FAT4: variants seen among roughly 807,000 people sequenced by gnomAD.
FAT4 encodes protocadherin Fat 4.
A neutral mutation model predicts 303.9 loss-of-function variants in FAT4; 84 were observed. The ratio of observed to expected loss-of-function variants is 0.28; its 90% confidence interval spans 0.23 to 0.33. FAT4 has a LOEUF of 0.33. FAT4 is among the 10% of genes least tolerant of loss of function. FAT4 has a pLI of 1.00. For missense variants in FAT4, 6,005 were observed against 6,146.8 expected (o/e 0.98, Z 0.77); for synonymous variants, 2,307 against 2,298.8 (o/e 1.00, Z -0.10).
chr4:125,391,529 A>G (rs1733979641), intron 2 of FAT4, among the ~76,000 whole-genome samples: 1 of 152,096 alleles, frequency 6.6e-6, no homozygotes, highest in Non-Finnish European at 1.5e-5. Context: ...GGGCAGTGGG[A>G]GGCAAGGGGA....
Position 125,415,652 on chromosome 4 carries a change from A to G in FAT4, c.6689A>G (p.Gln2230Arg), listed in dbSNP as rs780105943. 8 of 1,614,056 alleles carry G rather than the reference A, an allele frequency of 5.0e-6. No individual in the cohort carries two copies. In the South Asian group the frequency reaches 6.6e-5, roughly 13 times the overall value. The change falls in exon 6 of 18, where the codon CAG becomes CGG. Residue 2230 changes from glutamine to arginine, a missense_variant. Transcript: ENST00000394329. ...EKTPTYHLTV[Q>R]ATDRGSTPRT... is the part of the protein sequence containing the mutation. ...ACCCCTACCTACCATTTAACTGTTC[A>G]GGCAACAGATCGAGGCAGCACACCC...
chr4:125,415,862 A>T, intron 6 of FAT4, 56 bp downstream of exon 6: 1 of 1,333,098 alleles, frequency 7.5e-7, no homozygotes, highest in East Asian at 2.4e-5. Context: ...TCTATTTGAA[A>T]ACCTCCCCTC....
Position 125,320,580 on chromosome 4 carries a change from T to A in FAT4, c.4169T>A (p.Ile1390Lys). 6.2e-7 allele frequency: 1 copy of A among 1,614,038 alleles called. No homozygotes were observed. The highest frequency in any genetic ancestry group is 8.5e-7 in the Non-Finnish European group (1 of 1,179,928). ...FETQSLYKLN[I>K]TAKDQGRPPR... The stretch of plus-strand genomic sequence containing the variant: ...ACACAGTCTTTGTATAAATTAAATA[T>A]AACAGCAAAAGACCAAGGAAGACCT... The change falls in exon 2 of 18, where the codon ATA becomes AAA. Residue 1390 changes from isoleucine (I) to lysine (K), a missense_variant. By Grantham distance (102) the Ile-to-Lys change is moderately radical (BLOSUM62 -3). Transcript: ENST00000394329.
intron 14 of FAT4, among the ~76,000 whole-genome samples, chr4:125,478,025 C>T (rs1157309450): frequency 7.2e-5 from 11 of 152,012 alleles, no homozygotes; most frequent in Non-Finnish European, 1.6e-4. Flanking sequence ...TGTGAATGTG[C>T]TATATTTTAA....
intron 2 of FAT4, among the ~76,000 whole-genome samples, chr4:125,392,412 G>C (rs1734008478): frequency 6.7e-6 from 1 of 149,634 alleles, no homozygotes. Flanking sequence ...GATGCATCAG[G>C]TGTTACTATT....
intron 10 of FAT4, among the ~76,000 whole-genome samples, chr4:125,453,082 C>T (rs1019635357): frequency 1.3e-5 from 2 of 152,058 alleles, no homozygotes; most frequent in African/African-American, 4.8e-5. Context: ...TAGGTTTTCT[C>T]AGGTGATTCA....
chr4:125,326,640 C>G lies in FAT4; in HGVS notation c.5175+5054C>G, dbSNP rs188070730. 6.6e-5 allele frequency among the ~76,000 whole-genome samples: 10 copies of G among 152,280 alleles called. No individual in the cohort carries two copies. In the East Asian group the frequency reaches 1.9e-3, roughly 30 times the overall value. On this transcript the variant is annotated intron_variant, in intron 2 of 17. Transcript: ENST00000394329. ...TAACTACTCTTCTATCAAGCTGGAT[C>G]AGTCTGTGGTTTTGGTTAAGAGAAA... is the stretch of plus-strand genomic sequence containing the variant.
intron 2 of FAT4, among the ~76,000 whole-genome samples, chr4:125,329,478 C>T (rs1041882893): frequency 2.0e-5 from 3 of 152,164 alleles, no homozygotes; most frequent in East Asian, 3.8e-4. Flanking sequence ...TTCTCAGCCT[C>T]GTTCGCAAGC....
chr4:125,346,051 A>G (rs1297217734), intron 2 of FAT4, among the ~76,000 whole-genome samples: 1 of 152,112 alleles, frequency 6.6e-6, no homozygotes, highest in Non-Finnish European at 1.5e-5. Context: ...TAGCCCAAAC[A>G]CTAAAACCTT....
chr4:125,444,467 C>T (rs1342926406), intron 8 of FAT4, among the ~76,000 whole-genome samples: 1 of 152,086 alleles, frequency 6.6e-6, no homozygotes, highest in Non-Finnish European at 1.5e-5. Context: ...TCTAATTCAC[C>T]TCTTAAAGGC....
At chr4:125,325,374 C>T (rs1232477089) in intron 2 of FAT4, among the ~76,000 whole-genome samples, 1 of 152,018 alleles carries the variant, frequency 6.6e-6, no homozygotes, top group Non-Finnish European at 1.5e-5. Context: ...TAGAAGTTTT[C>T]CAAATTTGAA....
At chr4:125,357,815 G>C (rs1000363570) in intron 2 of FAT4, among the ~76,000 whole-genome samples, 2 of 152,100 alleles carry the variant, frequency 1.3e-5, no homozygotes, top group African/African-American at 4.8e-5. Context: ...GGATGCTCTC[G>C]TTTGTTGTGG....
In FAT4 at chr4:125,415,467, T is replaced by C. The variant is rs1390213447; in HGVS notation, c.6504T>C (p.Leu2168=). ...AAGTGGAGATTAATGAAAACACACT[T>C]ACTGGAACAGATATAATACAAGTGT... ...LYKVEINENT[L]TGTDIIQVFA... Residue 2168 remains leucine (L), a synonymous_variant, in exon 6 of 18, where the codon CTT becomes CTC. Coordinates refer to ENST00000394329, the MANE Select transcript of FAT4 (RefSeq NM_001291303.3). 1 of 1,614,096 alleles carries C rather than the reference T, an allele frequency of 6.2e-7. No individual in the cohort carries two copies. Among genetic ancestry groups the C allele is most frequent in the South Asian group, 1.1e-5 (1 of 91,082 alleles).
rs1730533122 is a variant in FAT4 at position 125,315,373 on chromosome 4, C to G, written c.-617C>G. 6.6e-6 allele frequency among the ~76,000 whole-genome samples: 1 copy of G among 152,044 alleles called. No individual in the cohort carries two copies. Among genetic ancestry groups the G allele is most frequent in the African/African-American group, 2.4e-5 (1 of 41,410 alleles). ...ATTACAAAGTGAAACTGACACGGGA[C>G]AATAAAAGCAGAGATAGCGAGGGCA... On this transcript the variant is annotated 5_prime_UTR_variant, in exon 1 of 18. Transcript: ENST00000394329.
intron 3 of FAT4, among the ~76,000 whole-genome samples, chr4:125,403,592 A>G (rs1223426160): frequency 1.3e-3 from 200 of 152,142 alleles, no homozygotes; most frequent in African/African-American, 4.5e-3. Context: ...ATTTATTTTA[A>G]ACCTCATTCC....
rs868509124 is a variant in FAT4 at position 125,450,202 on chromosome 4, G to A, written c.9192G>A (p.Lys3064=). The A allele has an allele frequency of 5.0e-6, 8 of 1,613,842 alleles. No homozygotes were observed. Among genetic ancestry groups the A allele is most frequent in the East Asian group, 2.2e-5 (1 of 44,862 alleles). The change falls in exon 10 of 18, where the codon AAG becomes AAA. Residue 3064 remains lysine, a synonymous_variant. Coordinates refer to ENST00000394329, the MANE Select transcript of FAT4 (RefSeq NM_001291303.3). Reference sequence around the variant, plus strand: ...ACTTTTTTATCACAGTCACTGCAAAGGATAAGGGAAACCCTCCACTTTCTT... The same window carrying A: ...ACTTTTTTATCACAGTCACTGCAAAAGATAAGGGAAACCCTCCACTTTCTT... ...NQNFFITVTA[K]DKGNPPLSSQ...
intron 7 of FAT4, among the ~76,000 whole-genome samples, chr4:125,425,483 CA>C (rs1311234420): frequency 2.0e-5 from 3 of 151,888 alleles, no homozygotes; most frequent in East Asian, 3.8e-4. Context: ...GTTTAGGAAG[CA>C]AAAAATCTTG....
intron 3 of FAT4, among the ~76,000 whole-genome samples, chr4:125,405,440 T>A (rs985779643): frequency 6.6e-6 from 1 of 152,074 alleles, no homozygotes; most frequent in Non-Finnish European, 1.5e-5. Flanking sequence ...AGGTGTGAGG[T>A]GATTTCTCAT....
chr4:125,365,271 A>T (rs974716755), intron 2 of FAT4, among the ~76,000 whole-genome samples: 1 of 152,136 alleles, frequency 6.6e-6, no homozygotes, highest in African/African-American at 2.4e-5. Context: ...GGATATGTGA[A>T]CTGGAGCACA....
Sources: gnomAD v4.1 joint callset for allele counts (sites outside exome capture counted in the v4.1 genomes callset) on GRCh38, gnomAD v4.1.1 for gene constraint, MANE v1.5 for transcripts, NCBI Gene and HGNC (gene_info 2026-07-23, HGNC 2026-07-21) for gene names.